Variants in WNT7B observed in about 807,000 individuals in gnomAD.
WNT7B encodes the protein protein Wnt-7b.
A neutral mutation model predicts 38.2 loss-of-function variants in WNT7B; 19 were observed. The ratio of observed to expected loss-of-function variants is 0.50; its 90% CI spans 0.35 to 0.73. WNT7B has a LOEUF of 0.73. Ranked by LOEUF, WNT7B falls within the 30% of genes least tolerant of loss-of-function variation. WNT7B has a pLI of 0.01. For synonymous variants in WNT7B, 243 were observed against 209.3 expected, an observed-to-expected ratio of 1.16 and a Z score of -1.39; for missense variants, 423 against 507.9, an observed-to-expected ratio of 0.83 and a Z score of 1.61.
chr22:45,950,130 C>T lies in WNT7B; in HGVS notation c.88G>A (p.Val30Met), dbSNP rs1931896965. ...CAGATGATGTTGGCTCCCAGGGCCACCACGGATGACAGTGCTCTGTGGAGG... is the reference window on the plus strand; with the variant it reads ...CAGATGATGTTGGCTCCCAGGGCCATCACGGATGACAGTGCTCTGTGGAGG... ...YVKLGALSSV[V>M]ALGANIICNK... Residue 30 changes from valine (V) to methionine (M), a missense_variant, in exon 2 of 4, where the codon GTG (valine) becomes ATG (methionine). By Grantham distance (21) the Val-to-Met change is conservative. Coordinates refer to ENST00000339464, the MANE Select transcript of WNT7B (RefSeq NM_058238.3). 11 of 1,613,848 alleles carry T rather than the reference C, an allele frequency of 6.8e-6. No individual in the cohort carries two copies. The highest frequency in any genetic ancestry group is 9.3e-6 in the Non-Finnish European group (11 of 1,179,998).
chr22:45,969,405 G>C (rs1932383557), intron 1 of WNT7B, among the ~76,000 whole-genome samples: 1 of 152,184 alleles, frequency 6.6e-6, no homozygotes, highest in African/African-American at 2.4e-5. Context: ...GCCTGGTCCT[G>C]GTCAAGGCCT....
chr22:45,931,399 G>A, intron 2 of WNT7B, 30 bp from the exon 3 acceptor site: 1 of 1,556,932 alleles, frequency 6.4e-7, no homozygotes, highest in Non-Finnish European at 8.7e-7. Flanking sequence ...CAGAAGGTGA[G>A]ACCCCAGGCC....
intron 2 of WNT7B, among the ~76,000 whole-genome samples, chr22:45,941,247 C>T (rs1436583369): frequency 2.0e-5 from 3 of 152,146 alleles, no homozygotes; most frequent in African/African-American, 7.2e-5. Context: ...CGGTGGCTCA[C>T]GCCTGTAATC....
chr22:45,935,502 C>G (rs1293488186), intron 2 of WNT7B, among the ~76,000 whole-genome samples: 2 of 152,186 alleles, frequency 1.3e-5, no homozygotes, highest in Admixed American at 6.5e-5. Context: ...CCTGCCCACC[C>G]TCCCACATAT....
intron 3 of WNT7B, chr22:45,927,503 G>GA (rs1931125204): frequency 1.9e-6 from 3 of 1,546,586 alleles, no homozygotes; most frequent in Non-Finnish European, 2.6e-6. Context: ...ACTTTATTTG[G>GA]AAGTAGGGCC....
chr22:45,970,250 G>A (rs577446875), intron 1 of WNT7B, among the ~76,000 whole-genome samples: 2 of 152,282 alleles, frequency 1.3e-5, no homozygotes, highest in African/African-American at 4.8e-5. Flanking sequence ...TGTCCCCGAC[G>A]ACCCAGGCCA....
At chr22:45,938,177 G>A (rs747509034) in intron 2 of WNT7B, among the ~76,000 whole-genome samples, 18 of 152,172 alleles carry the variant, frequency 1.2e-4, no homozygotes, top group South Asian at 2.1e-4. Flanking sequence ...GCAGTGGCAC[G>A]CAGGTCATCA....
intron 2 of WNT7B, among the ~76,000 whole-genome samples, chr22:45,943,331 C>A (rs1004022007): frequency 2.0e-5 from 3 of 152,378 alleles, no homozygotes; most frequent in East Asian, 3.9e-4. Flanking sequence ...CATGCCAGGT[C>A]CAAACACGCC....
rs1453261980 is a variant in WNT7B, at chr22:45,966,107, G to C, written c.71+10577C>G. On this transcript the variant is annotated intron_variant, in intron 1 of 3. Coordinates refer to ENST00000339464, the MANE Select transcript of WNT7B (RefSeq NM_058238.3). This position sits in a 1 kb window ranked among gnomAD's most constrained non-coding sequence, Gnocchi z 4.2. ...TCTCTGGCAGCCCGAGGGGGACACA[G>C]ATTCCAAAGCAGACCCTGGGCACTG... Among the ~76,000 whole-genome samples, 1 of 152,182 alleles carries C rather than the reference G, an allele frequency of 6.6e-6. No homozygotes were observed.
chr22:45,938,406 G>A (rs1931564151), intron 2 of WNT7B, among the ~76,000 whole-genome samples: 2 of 152,096 alleles, frequency 1.3e-5, no homozygotes, highest in Admixed American at 6.5e-5. Context: ...GGAGGTCGAG[G>A]CGGGTGGATC....
At chr22:45,964,732 A>C (rs1932274879) in intron 1 of WNT7B, among the ~76,000 whole-genome samples, 1 of 152,068 alleles carries the variant, frequency 6.6e-6, no homozygotes, top group East Asian at 1.9e-4. Flanking sequence ...CCAGACCCAC[A>C]AGTGGCCATC....
intron 2 of WNT7B, among the ~76,000 whole-genome samples, chr22:45,943,683 G>T (rs1931725441): frequency 6.6e-6 from 1 of 152,224 alleles, no homozygotes; most frequent in South Asian, 2.1e-4. Context: ...GGGGCAACAT[G>T]GCCTTGGGTA....
Position 45,930,999 on chromosome 22 carries a change from C to T in WNT7B, c.570+99G>A, listed in dbSNP as rs1368135787. On this transcript the variant is annotated intron_variant, in intron 3 of 3. Coordinates refer to ENST00000339464, the MANE Select transcript of WNT7B (RefSeq NM_058238.3). ...CACCCCCTGCACACCTACGGAGACT[C>T]AACTGCTTCTGCTAGAAGAGGAGCC... 8 of 1,438,170 alleles carry T rather than the reference C, an allele frequency of 5.6e-6. No homozygotes were observed. In the East Asian group the frequency reaches 2.0e-4, roughly 36 times the overall value. The allele number at this position is 1,438,170 out of a possible 1,614,324, so 89.1% of individuals were successfully genotyped here.
chr22:45,976,579 G>T lies in WNT7B; in HGVS notation c.71+105C>A. On this transcript the variant is annotated intron_variant, in intron 1 of 3. Coordinates refer to ENST00000339464, the MANE Select transcript of WNT7B (RefSeq NM_058238.3). This position sits in a 1 kb window ranked among gnomAD's most constrained non-coding sequence, Gnocchi z 8.5. Reference sequence around the variant, plus strand: ...GGCCAGCCCCGGAGCCCAGAGAGCTGCAGTGGCCCCCTCCAGTCCCCACGT... The same window carrying T: ...GGCCAGCCCCGGAGCCCAGAGAGCTTCAGTGGCCCCCTCCAGTCCCCACGT... The T allele has an allele frequency of 8.0e-7, 1 of 1,250,328 alleles. No homozygotes were observed. Among genetic ancestry groups the T allele is most frequent in the Non-Finnish European group, 1.1e-6 (1 of 882,770 alleles). 77.5% of individuals were successfully genotyped at this position (1,250,328 alleles called of 1,614,324 possible). A position where few individuals can be genotyped will look rare whatever the true frequency, so the allele number is the denominator to read the frequency against.
chr22:45,967,661 G>A (rs563562152), intron 1 of WNT7B, among the ~76,000 whole-genome samples: 1 of 142,206 alleles, frequency 7.0e-6, no homozygotes, highest in Admixed American at 6.9e-5. Flanking sequence ...CTCCCCATAG[G>A]CACCCACCTG....
In WNT7B at chr22:45,966,470, C is replaced by T. The variant is rs564107316; in HGVS notation, c.71+10214G>A. On this transcript the variant is annotated intron_variant, in intron 1 of 3. Transcript: ENST00000339464. This position sits in a 1 kb window ranked among gnomAD's most constrained non-coding sequence, Gnocchi z 4.2. ...AAGGGTTGGAGCAGGGATCACAGTGCGGGAGGGCTCCAGAAAGCGATAGAG... is the reference window on the plus strand; with the variant it reads ...AAGGGTTGGAGCAGGGATCACAGTGTGGGAGGGCTCCAGAAAGCGATAGAG... Among the ~76,000 whole-genome samples the T allele has an allele frequency of 6.6e-6, 1 of 152,184 alleles. No homozygotes were observed. Among genetic ancestry groups the T allele is most frequent in the Non-Finnish European group, 1.5e-5 (1 of 68,034 alleles).
At chr22:45,938,776 C>T (rs1440156473) in intron 2 of WNT7B, among the ~76,000 whole-genome samples, 8 of 152,056 alleles carry the variant, frequency 5.3e-5, no homozygotes, top group African/African-American at 2.4e-5. Context: ...GGAAATGTTC[C>T]CAACACATAG....
intron 1 of WNT7B, among the ~76,000 whole-genome samples, chr22:45,974,473 G>A (rs1162976709): frequency 6.6e-6 from 1 of 152,238 alleles, no homozygotes; most frequent in Non-Finnish European, 1.5e-5. Context: ...GCTGAGCCTC[G>A]AGGGAGGGAT....
At chr22:45,955,526 C>G (rs1350235759) in intron 1 of WNT7B, among the ~76,000 whole-genome samples, 1 of 152,194 alleles carries the variant, frequency 6.6e-6, no homozygotes, top group African/African-American at 2.4e-5. Context: ...TCATCCTCAG[C>G]TGCTTGCCTG....
Sources: allele counts gnomAD v4.1 joint callset (sites outside exome capture counted in the v4.1 genomes callset), GRCh38; gene constraint gnomAD v4.1.1; non-coding constraint Gnocchi (gnomAD v3.1); transcripts MANE v1.5; gene names NCBI Gene and HGNC (gene_info 2026-07-23, HGNC 2026-07-21).